The following SHROOM4 variants were observed in gnomAD, a reference collection of about 807,000 sequenced individuals.
SHROOM4 encodes shroom family member 4.
A neutral mutation model predicts 80.3 loss-of-function variants in SHROOM4; 17 were observed. The ratio of observed to expected loss-of-function variants is 0.21; its 90% CI spans 0.14 to 0.32. The LOEUF (loss-of-function observed/expected upper bound fraction) is 0.32. Ranked by LOEUF, SHROOM4 falls within the 10% of genes least tolerant of loss-of-function variation. The pLI is 1.00. For synonymous variants in SHROOM4, 400 were observed against 437.5 expected (o/e 0.91, Z 1.07); for missense variants, 993 against 1,140.3 (o/e 0.87, Z 1.86).
At position 50,607,768 on chromosome X, in the gene SHROOM4, T is replaced by C; in HGVS notation, c.3374A>G (p.Gln1125Arg). 8.3e-7 allele frequency: 1 copy of C among 1,207,198 alleles called. No homozygotes were observed. The highest frequency in any genetic ancestry group is 1.8e-5 in the South Asian group (1 of 56,486). Reference sequence around the variant, plus strand: ...CTCCTCCTGTTGCTTCTGCTGCTGCTGTTGCTGCTTCTGCTGCTGGGCTGC... The same window carrying C: ...CTCCTCCTGTTGCTTCTGCTGCTGCCGTTGCTGCTTCTGCTGCTGGGCTGC... Reference protein sequence around the residue: ...FRAAQQQKQQQQQQKQQEEEE... With the variant: ...FRAAQQQKQQRQQQKQQEEEE... The change falls in exon 6 of 9, where the codon CAG (glutamine) becomes CGG (arginine). Residue 1125 changes from glutamine (Q) to arginine (R), a missense_variant. Coordinates refer to ENST00000376020, the MANE Select transcript of SHROOM4 (RefSeq NM_020717.5).
At chrX:50,762,335 A>G (rs781941494) in intron 1 of SHROOM4, among the ~76,000 whole-genome samples, 154 of 112,049 alleles carry the variant, frequency 1.4e-3, no homozygotes, top group Non-Finnish European at 2.1e-3. Context: ...CTGTGCTGTC[A>G]TTGTTAAGTA....
rs1291861198 is a variant in SHROOM4, at chrX:50,778,896, A to G, written c.117+35006T>C. On this transcript the variant is annotated intron_variant, in intron 1 of 8. Coordinates refer to ENST00000376020, the MANE Select transcript of SHROOM4 (RefSeq NM_020717.5). ...TGACCTTAGGCACATTACTTGGCCT[A>G]TATGTGCCTCAATTGCCTCATCCGT... Among the ~76,000 whole-genome samples the G allele has an allele frequency of 5.4e-5, 6 of 111,680 alleles. No homozygotes were observed. The Admixed American group carries it at 5.7e-4, about 11-fold the overall frequency.
intron 2 of SHROOM4, among the ~76,000 whole-genome samples, chrX:50,656,634 T>C (rs1932316343): frequency 9.0e-6 from 1 of 111,453 alleles, no homozygotes; most frequent in Admixed American, 9.6e-5. Context: ...GCCAGTACCA[T>C]ACTGTTTTGA....
chrX:50,638,287 C>T lies in SHROOM4; in HGVS notation c.291G>A (p.Arg97=). Reference sequence around the variant, plus strand: ...GCTTGGCCACATGCCATGAGTGCGGCCTACTGACAGGGGCGTTCCTCCTAC... The same window carrying T: ...GCTTGGCCACATGCCATGAGTGCGGTCTACTGACAGGGGCGTTCCTCCTAC... ...IVRRRNAPVS[R]PHSWHVAKLL... is the part of the protein sequence containing the mutation. Residue 97 remains arginine, a synonymous_variant, in exon 3 of 9, where the codon AGG becomes AGA. Transcript: ENST00000376020. 8.3e-7 allele frequency: 1 copy of T among 1,211,837 alleles called. No individual in the cohort carries two copies. Among genetic ancestry groups the T allele is most frequent in the South Asian group, 1.8e-5 (1 of 56,901 alleles).
At position 50,648,799 on chromosome X, in the gene SHROOM4, T is replaced by G. The variant is rs1376145442; in HGVS notation, c.270-10491A>C. On this transcript the variant is annotated intron_variant, in intron 2 of 8. Coordinates refer to ENST00000376020, the MANE Select transcript of SHROOM4 (RefSeq NM_020717.5). ...TTATAAGGCACAGAGGAAGTGAAATTAGAATGATTCAAGAGCATGGTGGGC... is the reference window on the plus strand; with the variant it reads ...TTATAAGGCACAGAGGAAGTGAAATGAGAATGATTCAAGAGCATGGTGGGC... Among the ~76,000 whole-genome samples the G allele has an allele frequency of 4.5e-5, 5 of 112,007 alleles. No homozygotes were observed. The Admixed American group carries it at 4.7e-4, about 11-fold the overall frequency.
intron 2 of SHROOM4, among the ~76,000 whole-genome samples, chrX:50,687,415 G>A (rs1279491572): frequency 9.0e-6 from 1 of 110,639 alleles, no homozygotes; most frequent in African/African-American, 3.3e-5. Context: ...CCCCACCTCT[G>A]TTTTATATTA....
intron 5 of SHROOM4, among the ~76,000 whole-genome samples, chrX:50,620,682 AT>A (rs1225535878): frequency 1.1e-4 from 12 of 111,434 alleles, no homozygotes; most frequent in African/African-American, 3.9e-4. Context: ...CTATTTATTG[AT>A]TTTTTTAATT....
chrX:50,773,067 C>T (rs1326657625), intron 1 of SHROOM4, among the ~76,000 whole-genome samples: 1 of 112,140 alleles, frequency 8.9e-6, no homozygotes, highest in Non-Finnish European at 1.9e-5. Flanking sequence ...TCCAATTAAC[C>T]AAATCTAGCA....
chrX:50,638,744 T>A (rs1931467255), intron 2 of SHROOM4, among the ~76,000 whole-genome samples: 1 of 112,799 alleles, frequency 8.9e-6, no homozygotes, highest in African/African-American at 3.2e-5. Flanking sequence ...CTGTCAATTC[T>A]CCAATTTTTA....
rs1472798703 is a variant in SHROOM4, at chrX:50,646,672, G to A, written c.270-8364C>T. Among the ~76,000 whole-genome samples, 3 of 107,806 alleles carry A rather than the reference G, an allele frequency of 2.8e-5. No homozygotes were observed. The Admixed American group carries it at 3.0e-4, about 11-fold the overall frequency. The allele number at this position is 107,806 out of a possible 115,157, so 93.6% of individuals were successfully genotyped here. On this transcript the variant is annotated intron_variant, in intron 2 of 8. Coordinates refer to ENST00000376020, the MANE Select transcript of SHROOM4 (RefSeq NM_020717.5). ...GAGAGATGAATACTCTCTGGAGAAG[G>A]GGCTTTTGGTACCCAGCTCTGCCTC...
Position 50,695,870 on chromosome X carries a change from T to C in SHROOM4, c.185A>G (p.Asn62Ser). The C allele has an allele frequency of 1.7e-6, 2 of 1,211,543 alleles. No individual in the cohort carries two copies. The highest frequency in any genetic ancestry group is 2.2e-6 in the Non-Finnish European group (2 of 895,190). Residue 62 changes from asparagine to serine, a missense_variant, in exon 2 of 9, where the codon AAT becomes AGT. By Grantham distance (46) the Asn-to-Ser change is conservative. Transcript: ENST00000376020. The stretch of plus-strand genomic sequence containing the variant: ...GCGGGAGCCATATAATGGAGTGCCA[T>C]TGATATTCACCAGCTCATCACCAGT... ...MRTGDELVNI[N>S]GTPLYGSRQE...
At chrX:50,609,488 A>G (rs782694244) in intron 5 of SHROOM4, among the ~76,000 whole-genome samples, 34 of 111,282 alleles carry the variant, frequency 3.1e-4, no homozygotes, top group Admixed American at 3.0e-3. Flanking sequence ...AACAGAATAG[A>G]AAGTTCAGAA....
chrX:50,768,546 A>G (rs1263257819), intron 1 of SHROOM4, among the ~76,000 whole-genome samples: 2 of 112,182 alleles, frequency 1.8e-5, no homozygotes, highest in African/African-American at 6.5e-5. Context: ...TAGTTCTGAA[A>G]GAAATCACTA....
intron 1 of SHROOM4, among the ~76,000 whole-genome samples, chrX:50,787,925 A>G (rs1428368240): frequency 1.8e-5 from 2 of 111,883 alleles, no homozygotes; most frequent in Non-Finnish European, 3.8e-5. Context: ...AAGAAATGAT[A>G]AAGAGTTAAA....
At chrX:50,657,447 GTT>G (rs1340458403) in intron 2 of SHROOM4, among the ~76,000 whole-genome samples, 1 of 101,675 alleles carries the variant, frequency 9.8e-6, no homozygotes, top group African/African-American at 3.5e-5. Flanking sequence ...TTTTTGGACA[GTT>G]TTTTTTTTTT....
At position 50,596,649 on chromosome X, in the gene SHROOM4, T is replaced by G; in HGVS notation, c.*46A>C. On this transcript the variant is annotated 3_prime_UTR_variant, in exon 9 of 9. Transcript: ENST00000376020. ...TGCTAACAAAGAAGATTGAAAGCACTTCCCACATGGCTGGGCAGGGATGCT... is the reference window on the plus strand; with the variant it reads ...TGCTAACAAAGAAGATTGAAAGCACGTCCCACATGGCTGGGCAGGGATGCT... 2 of 1,202,470 alleles carry G rather than the reference T, an allele frequency of 1.7e-6. No individual in the cohort carries two copies. The highest frequency in any genetic ancestry group is 1.1e-6 in the Non-Finnish European group (1 of 893,837).
intron 6 of SHROOM4, among the ~76,000 whole-genome samples, chrX:50,604,764 T>C (rs1929593941): frequency 8.9e-6 from 1 of 111,799 alleles, no homozygotes; most frequent in Non-Finnish European, 1.9e-5. Context: ...CCTCCATTAA[T>C]AGGGAAGTGA....
In SHROOM4 at chrX:50,592,192, G is replaced by C; in HGVS notation, c.*4503C>G. 6.1e-6 allele frequency: 2 copies of C among 328,946 alleles called. No individual in the cohort carries two copies. Among genetic ancestry groups the C allele is most frequent in the Non-Finnish European group, 1.2e-5 (2 of 169,884 alleles). The allele number at this position is 328,946 out of a possible 1,213,427, so 27.1% of individuals were successfully genotyped here. A position where few individuals can be genotyped will look rare whatever the true frequency, so the allele number is the denominator to read the frequency against. On this transcript the variant is annotated 3_prime_UTR_variant, in exon 9 of 9. Coordinates refer to ENST00000376020, the MANE Select transcript of SHROOM4 (RefSeq NM_020717.5). ...TGAGTAGATCAGGACTATAATAATG[G>C]TTACCATGTACTGAATATGTTTTCA...
intron 5 of SHROOM4, among the ~76,000 whole-genome samples, chrX:50,615,565 T>C (rs184745923): frequency 2.7e-5 from 3 of 112,330 alleles, no homozygotes; most frequent in Non-Finnish European, 5.6e-5. Context: ...ACTGTATCAC[T>C]AGTATCCAGC....
Sources: allele counts gnomAD v4.1 joint callset (sites outside exome capture counted in the v4.1 genomes callset), GRCh38; gene constraint gnomAD v4.1.1; transcripts MANE v1.5; gene names NCBI Gene and HGNC (gene_info 2026-07-23, HGNC 2026-07-21).